The following ANP32B variants were observed in gnomAD, a reference collection of about 807,000 sequenced individuals.
ANP32B encodes acidic leucine-rich nuclear phosphoprotein 32 family member B.
Under a neutral mutation model 32.2 loss-of-function variants are expected in ANP32B, and 6 were observed. That is an observed-to-expected ratio of 0.19 (90% confidence interval 0.10 to 0.37). The LOEUF is 0.37. ANP32B is among the 10% of genes least tolerant of loss of function. The probability of loss-of-function intolerance (pLI) is 1.00; values close to 1 mark genes in which losing one functional copy is unlikely to be tolerated. For missense variants in ANP32B, 204 were observed against 289.2 expected (o/e 0.71, Z 2.14); for synonymous variants, 98 against 105.8 (o/e 0.93, Z 0.45).
chr9:98,003,899 A>G (rs1033976390), intron 3 of ANP32B, among the ~76,000 whole-genome samples: 6 of 152,146 alleles, frequency 3.9e-5, no homozygotes. Flanking sequence ...CCTATTCTGA[A>G]AGGCACCAGG....
At chr9:97,990,679 T>C (rs896178306) in intron 1 of ANP32B, among the ~76,000 whole-genome samples, 2 of 152,206 alleles carry the variant, frequency 1.3e-5, no homozygotes, top group Non-Finnish European at 2.9e-5. Flanking sequence ...TTCCTGAACT[T>C]CTCATTCTCA....
At chr9:98,007,836 G>A (rs1322562640) in intron 4 of ANP32B, among the ~76,000 whole-genome samples, 2 of 152,136 alleles carry the variant, frequency 1.3e-5, no homozygotes, top group Non-Finnish European at 2.9e-5. Context: ...GTCTGTTCAC[G>A]CAGTTCTGTG....
Position 97,999,556 on chromosome 9 carries a change from T to C in ANP32B, c.327+878T>C, listed in dbSNP as rs1454503560. ...TAAGATATGAAAAGCTGAGTTTCAGTGCCACTTGGGTTGTAGACTTGATGT... is the reference window on the plus strand; with the variant it reads ...TAAGATATGAAAAGCTGAGTTTCAGCGCCACTTGGGTTGTAGACTTGATGT... On this transcript the variant is annotated intron_variant, in intron 3 of 6. Transcript: ENST00000339399. Among the ~76,000 whole-genome samples, 5 of 152,226 alleles carry C rather than the reference T, an allele frequency of 3.3e-5. No homozygotes were observed. The East Asian group carries it at 7.7e-4, about 23-fold the overall frequency.
intron 1 of ANP32B, among the ~76,000 whole-genome samples, chr9:97,991,601 CAAAT>C (rs1024458228): frequency 1.3e-5 from 2 of 152,104 alleles, no homozygotes; most frequent in African/African-American, 4.8e-5. Context: ...AAGTAACAGT[CAAAT>C]AAATCAGAAA....
chr9:98,013,668 G>A (rs775090601), intron 6 of ANP32B, among the ~76,000 whole-genome samples: 1 of 152,146 alleles, frequency 6.6e-6, no homozygotes, highest in Non-Finnish European at 1.5e-5. Context: ...GGAGGCCGAG[G>A]CAGGTGGATC....
chr9:98,013,209 G>T (rs1255870688), intron 6 of ANP32B, among the ~76,000 whole-genome samples: 1 of 152,186 alleles, frequency 6.6e-6, no homozygotes, highest in Non-Finnish European at 1.5e-5. Context: ...TTTTAGTAGA[G>T]ACAGGGTTTT....
At chr9:98,011,108 C>CT (rs1828175648) in intron 4 of ANP32B, among the ~76,000 whole-genome samples, 163 bp from the exon 5 acceptor site, 2 of 152,142 alleles carry the variant, frequency 1.3e-5, no homozygotes, top group Admixed American at 6.5e-5. Context: ...TTATGGGACT[C>CT]TATCGGACAA....
At chr9:97,984,872 G>A (rs1827684375) in intron 1 of ANP32B, among the ~76,000 whole-genome samples, 1 of 150,678 alleles carries the variant, frequency 6.6e-6, no homozygotes, top group African/African-American at 2.4e-5. Flanking sequence ...GCGGGCTTCG[G>A]CTCGGCTCGT....
chr9:98,006,752 A>G (rs1344977574), intron 4 of ANP32B, among the ~76,000 whole-genome samples: 1 of 152,174 alleles, frequency 6.6e-6, no homozygotes, highest in Admixed American at 6.5e-5. Context: ...CAGCACTTAC[A>G]GAGGCCGAGG....
chr9:97,984,049 C>G (rs1342230786), intron 1 of ANP32B, among the ~76,000 whole-genome samples: 1 of 149,490 alleles, frequency 6.7e-6, no homozygotes, highest in Non-Finnish European at 1.5e-5. Flanking sequence ...CCGCGCGCCC[C>G]GGGCCGGCCG....
intron 4 of ANP32B, among the ~76,000 whole-genome samples, chr9:98,006,180 T>C (rs1587878897): frequency 6.6e-6 from 1 of 152,126 alleles, no homozygotes; most frequent in East Asian, 1.9e-4. Flanking sequence ...GCAAAGAGGT[T>C]TGACTTTACA....
chr9:98,003,313 C>T (rs537610103), intron 3 of ANP32B, among the ~76,000 whole-genome samples: 1 of 152,328 alleles, frequency 6.6e-6, no homozygotes, highest in Admixed American at 6.5e-5. Flanking sequence ...GAGCCTCTTT[C>T]TTCATCAAGA....
At chr9:98,003,374 A>G (rs996981191) in intron 3 of ANP32B, among the ~76,000 whole-genome samples, 1 of 152,210 alleles carries the variant, frequency 6.6e-6, no homozygotes, top group African/African-American at 2.4e-5. Context: ...TCTAAGGGCC[A>G]AATAGTAGGT....
At chr9:98,007,762 G>A (rs927018571) in intron 4 of ANP32B, among the ~76,000 whole-genome samples, 20 of 152,300 alleles carry the variant, frequency 1.3e-4, no homozygotes, top group African/African-American at 4.8e-4. Context: ...AATGTCACCT[G>A]AACTTAACGT....
At chr9:98,000,662 G>A (rs1361488534) in intron 3 of ANP32B, among the ~76,000 whole-genome samples, 3 of 152,208 alleles carry the variant, frequency 2.0e-5, no homozygotes, top group East Asian at 1.9e-4. Context: ...GGTGGTTCAC[G>A]CCTGTAATCC....
At chr9:98,011,522 T>C (rs1587881695) in intron 5 of ANP32B, 133 bp downstream of exon 5, 2 of 1,303,460 alleles carry the variant, frequency 1.5e-6, no homozygotes, top group East Asian at 5.1e-5. Flanking sequence ...ATTTACAATA[T>C]GAATCTGGTT....
At chr9:98,001,999 TC>T (rs1828000640) in intron 3 of ANP32B, among the ~76,000 whole-genome samples, 1 of 152,180 alleles carries the variant, frequency 6.6e-6, no homozygotes, top group South Asian at 2.1e-4. Context: ...CAGAGCTATT[TC>T]GAAAAGCCTG....
chr9:98,015,704 C>G lies in ANP32B; in HGVS notation c.*273C>G. ...AAGATTCTTGCTGTAGCGTGGATAG[C>G]TGTGATTGGTGAGTCAACCGTCTGT... On this transcript the variant is annotated 3_prime_UTR_variant, in exon 7 of 7. Transcript: ENST00000339399. The G allele has an allele frequency of 9.2e-7, 1 of 1,084,076 alleles. No homozygotes were observed. The highest frequency in any genetic ancestry group is 1.1e-6 in the Non-Finnish European group (1 of 890,806). The allele number at this position is 1,084,076 out of a possible 1,614,324, so 67.2% of individuals were successfully genotyped here. A position where few individuals can be genotyped will look rare whatever the true frequency, so the allele number is the denominator to read the frequency against.
At chr9:97,984,763 C>G (rs921551421) in intron 1 of ANP32B, 4 of 150,248 alleles carry the variant, frequency 2.7e-5, no homozygotes, top group African/African-American at 9.7e-5. Context: ...CCGCCGCCGA[C>G]TCATCCCGTC....
Sources: gnomAD v4.1 joint callset for allele counts (sites outside exome capture counted in the v4.1 genomes callset) on GRCh38, gnomAD v4.1.1 for gene constraint, MANE v1.5 for transcripts, NCBI Gene and HGNC (gene_info 2026-07-23, HGNC 2026-07-21) for gene names.